Variants in CSMD1 observed in about 807,000 individuals in gnomAD.
CSMD1 encodes the protein CUB and sushi domain-containing protein 1.
A neutral mutation model predicts 417.5 loss-of-function variants in CSMD1; 213 were observed. That is an observed-to-expected ratio of 0.51 (90% confidence interval 0.46 to 0.57). The LOEUF is 0.57. CSMD1 is among the 20% of genes least tolerant of loss of function. The pLI, the probability that CSMD1 is intolerant of heterozygous loss-of-function variation, is 0.00. For missense variants in CSMD1, 6,923 were observed against 4,529.7 expected (o/e 1.53, Z -15.17); for synonymous variants, 2,862 against 1,736.8 (o/e 1.65, Z -16.11).
chr8:4,695,095 T>A (rs1332231760), intron 1 of CSMD1, among the ~76,000 whole-genome samples: 1 of 152,166 alleles, frequency 6.6e-6, no homozygotes. Flanking sequence ...CAACTCATCA[T>A]CACTTAAGCC....
At chr8:4,461,990 C>G (rs1349017873) in intron 2 of CSMD1, among the ~76,000 whole-genome samples, 1 of 151,996 alleles carries the variant, frequency 6.6e-6, no homozygotes, top group Non-Finnish European at 1.5e-5. Flanking sequence ...ATCCGCCCAC[C>G]TCGGCCTCCC....
chr8:4,981,562 A>C (rs1057108990), intron 1 of CSMD1, among the ~76,000 whole-genome samples: 1 of 152,154 alleles, frequency 6.6e-6, no homozygotes, highest in African/African-American at 2.4e-5. Flanking sequence ...CTTTTCCTAC[A>C]TTTATTATTT....
At chr8:4,638,341 A>C (rs1802972501) in intron 1 of CSMD1, among the ~76,000 whole-genome samples, 1 of 152,240 alleles carries the variant, frequency 6.6e-6, no homozygotes, top group African/African-American at 2.4e-5. Flanking sequence ...GAAAAAAACA[A>C]GGTCAATACG....
intron 5 of CSMD1, among the ~76,000 whole-genome samples, chr8:3,911,873 T>C (rs889155327): frequency 2.6e-5 from 4 of 152,248 alleles, no homozygotes; most frequent in African/African-American, 9.6e-5. Context: ...CTGTGTTCCA[T>C]CTTCTTACCT....
chr8:3,390,903 G>C (rs750304560), intron 17 of CSMD1, among the ~76,000 whole-genome samples: 2 of 151,978 alleles, frequency 1.3e-5, no homozygotes, highest in Admixed American at 6.6e-5. Context: ...GCCTCCGAGA[G>C]GTTTCAAAAT....
intron 37 of CSMD1, among the ~76,000 whole-genome samples, chr8:3,177,957 T>G (rs1052114630): frequency 2.0e-5 from 3 of 152,220 alleles, no homozygotes; most frequent in African/African-American, 7.2e-5. Flanking sequence ...TTGTGTTAAT[T>G]CTCACATGTC....
At chr8:4,638,192 C>G (rs1802958736) in intron 1 of CSMD1, among the ~76,000 whole-genome samples, 1 of 152,116 alleles carries the variant, frequency 6.6e-6, no homozygotes, top group Non-Finnish European at 1.5e-5. Context: ...TTGGTGCTAT[C>G]TACATAGTAT....
intron 5 of CSMD1, among the ~76,000 whole-genome samples, chr8:3,882,532 G>A (rs564881473): frequency 1.1e-4 from 17 of 152,176 alleles, no homozygotes; most frequent in African/African-American, 4.1e-4. Context: ...CATACACTGT[G>A]AGTGGACGAT....
chr8:4,821,965 G>C (rs1234352081), intron 1 of CSMD1, among the ~76,000 whole-genome samples: 3 of 151,922 alleles, frequency 2.0e-5, no homozygotes, highest in African/African-American at 7.3e-5. Context: ...GCTTCTCAGA[G>C]AATACTACGT....
chr8:3,560,236 G>C (rs371333153), intron 10 of CSMD1, among the ~76,000 whole-genome samples: 2 of 152,126 alleles, frequency 1.3e-5, no homozygotes, highest in Admixed American at 1.3e-4. Flanking sequence ...TATATTAATA[G>C]AAGGATAATA....
intron 1 of CSMD1, among the ~76,000 whole-genome samples, chr8:4,868,817 G>C (rs910859792): frequency 6.6e-6 from 1 of 151,718 alleles, no homozygotes; most frequent in African/African-American, 2.4e-5. Context: ...ATCATGTGCT[G>C]TATCAGCTCC....
intron 4 of CSMD1, among the ~76,000 whole-genome samples, chr8:4,008,175 T>C (rs796956108): frequency 3.3e-5 from 5 of 152,172 alleles, no homozygotes; most frequent in African/African-American, 1.2e-4. Flanking sequence ...AAAGGACAAA[T>C]ATGAGCAAGC....
In CSMD1 at chr8:4,856,711, G is replaced by A. The variant is rs1464045118; in HGVS notation, c.85+137621C>T. Among the ~76,000 whole-genome samples the A allele has an allele frequency of 4.7e-5, 7 of 149,164 alleles. No homozygotes were observed. The East Asian group carries it at 1.2e-3, about 25-fold the overall frequency. ...TAAAGGGATCAATTCAACAAGAAGA[G>A]CTAACTATCCTAAATATATATGCAC... On this transcript the variant is annotated intron_variant, in intron 1 of 69. Transcript: ENST00000635120.
At chr8:4,150,109 AT>A (rs542335885) in intron 3 of CSMD1, among the ~76,000 whole-genome samples, 47 of 152,216 alleles carry the variant, frequency 3.1e-4, no homozygotes, top group African/African-American at 9.9e-4. Flanking sequence ...AAGGGAGTGT[AT>A]TTTCCACATT....
intron 10 of CSMD1, among the ~76,000 whole-genome samples, chr8:3,553,937 G>A (rs79314144): frequency 1.3e-5 from 2 of 152,138 alleles, no homozygotes; most frequent in South Asian, 4.1e-4. Context: ...ACGTAATGGG[G>A]CAAAACAGAA....
chr8:4,036,940 G>C lies in CSMD1; in HGVS notation c.416-4841C>G, dbSNP rs190418625. Among the ~76,000 whole-genome samples, 4 of 148,098 alleles carry C rather than the reference G, an allele frequency of 2.7e-5. No homozygotes were observed. The East Asian group carries it at 6.2e-4, about 23-fold the overall frequency. ...TCATTGGCATGTGCCCTGGATCCTA[G>C]TATGGGTGAGTGTGGGGTGTGTGTG... On this transcript the variant is annotated intron_variant, in intron 3 of 69. Transcript: ENST00000635120.
intron 3 of CSMD1, among the ~76,000 whole-genome samples, chr8:4,257,673 G>A (rs1021610522): frequency 3.3e-5 from 5 of 152,186 alleles, no homozygotes; most frequent in African/African-American, 1.2e-4. Context: ...GTCTCAGGGT[G>A]CAGCAGTCTT....
chr8:3,034,696 T>G (rs1385309469), intron 50 of CSMD1, among the ~76,000 whole-genome samples: 1 of 152,204 alleles, frequency 6.6e-6, no homozygotes, highest in Non-Finnish European at 1.5e-5. Context: ...ATGTTCTTAC[T>G]TTGTTATTTC....
intron 5 of CSMD1, among the ~76,000 whole-genome samples, chr8:3,965,564 C>G (rs1232912020): frequency 6.6e-6 from 1 of 152,094 alleles, no homozygotes; most frequent in African/African-American, 2.4e-5. Context: ...AGAGGTCTTT[C>G]AATTCCAGGC....
Sources: gnomAD v4.1 joint callset for allele counts (sites outside exome capture counted in the v4.1 genomes callset) on GRCh38, gnomAD v4.1.1 for gene constraint, MANE v1.5 for transcripts, NCBI Gene and HGNC (gene_info 2026-07-23, HGNC 2026-07-21) for gene names.